Variants in ACACA observed in about 807,000 individuals in gnomAD.
The protein encoded by ACACA is acetyl-CoA carboxylase 1.
Under a neutral mutation model 296.1 loss-of-function variants are expected in ACACA, and 103 were observed. That is an observed-to-expected ratio of 0.35 (90% CI 0.30 to 0.41). The LOEUF (loss-of-function observed/expected upper bound fraction) is 0.41. ACACA is among the 10% of genes least tolerant of loss of function. ACACA has a pLI of 1.00. For synonymous variants in ACACA, 953 were observed against 1,038.6 expected (o/e 0.92, Z 1.58); for missense variants, 1,554 against 2,989.7 (o/e 0.52, Z 11.20).
intron 5 of ACACA, among the ~76,000 whole-genome samples, chr17:37,281,032 T>C (rs1391455395): frequency 6.6e-6 from 1 of 151,562 alleles, no homozygotes; most frequent in African/African-American, 2.4e-5. Context: ...TTAGACATAA[T>C]CTCTTTCAGA....
chr17:37,144,112 T>C (rs1476240197), intron 45 of ACACA: 1 of 761,504 alleles, frequency 1.3e-6, no homozygotes, highest in South Asian at 1.4e-5. Context: ...CTTTGCCATA[T>C]CTTCAAATTT....
chr17:37,112,817 T>C (rs2074050808), intron 51 of ACACA, among the ~76,000 whole-genome samples: 2 of 152,168 alleles, frequency 1.3e-5, no homozygotes, highest in East Asian at 1.9e-4. Context: ...GGATGCCAGA[T>C]TAGATCTGTT....
chr17:37,372,284 G>T (rs905522845), intron 1 of ACACA, among the ~76,000 whole-genome samples: 1 of 151,870 alleles, frequency 6.6e-6, no homozygotes, highest in Non-Finnish European at 1.5e-5. Flanking sequence ...GTGGTGGCGG[G>T]CACCTGTAGT....
At chr17:37,325,818 C>T (rs187749916) in intron 3 of ACACA, among the ~76,000 whole-genome samples, 59 of 151,924 alleles carry the variant, frequency 3.9e-4, no homozygotes, top group South Asian at 1.5e-3. Flanking sequence ...AGGTGATCCA[C>T]CCACCTTGGC....
At chr17:37,151,237 A>T (rs1274742030) in intron 44 of ACACA, 64 bp downstream of exon 44, 7 of 1,600,420 alleles carry the variant, frequency 4.4e-6, no homozygotes, top group Admixed American at 1.7e-5. Context: ...CAGTGATAAG[A>T]GAAAAAAATA....
chr17:37,375,885 T>C (rs1023389766), intron 1 of ACACA: 1 of 482,612 alleles, frequency 2.1e-6, no homozygotes, highest in African/African-American at 1.9e-5. Flanking sequence ...CTGAGTGAAT[T>C]ATTAATAAGC....
intron 8 of ACACA, chr17:37,274,742 T>C: frequency 6.8e-6 from 6 of 880,096 alleles, no homozygotes; most frequent in African/African-American, 3.6e-5. Flanking sequence ...CATGATTCCA[T>C]GCTCTCTGAA....
chr17:37,176,615 G>T (rs1352818578), intron 41 of ACACA, among the ~76,000 whole-genome samples: 1 of 152,108 alleles, frequency 6.6e-6, no homozygotes, highest in African/African-American at 2.4e-5. Context: ...ATAGCTGAAA[G>T]TCAACTTGCC....
intron 37 of ACACA, among the ~76,000 whole-genome samples, 189 bp downstream of exon 37, chr17:37,191,901 A>G (rs1207783664): frequency 6.6e-6 from 1 of 151,830 alleles, no homozygotes. Flanking sequence ...AAAAAAAAAA[A>G]GCCTTTATTA....
chr17:37,087,172 A>G lies in ACACA; in HGVS notation c.*144T>C, dbSNP rs763781086. 25 of 1,144,364 alleles carry G rather than the reference A, an allele frequency of 2.2e-5. No homozygotes were observed. Among genetic ancestry groups the G allele is most frequent in the Middle Eastern group, 2.8e-4 (1 of 3,574 alleles). The allele number at this position is 1,144,364 out of a possible 1,614,324, so 70.9% of individuals were successfully genotyped here. A position where few individuals can be genotyped will look rare whatever the true frequency, so the allele number is the denominator to read the frequency against. On this transcript the variant is annotated 3_prime_UTR_variant, in exon 56 of 56. Coordinates refer to ENST00000616317, the MANE Select transcript of ACACA (RefSeq NM_198834.3). The stretch of plus-strand genomic sequence containing the variant: ...GATCTTACATCCCAGGATGTCATGC[A>G]TAACCTGAAACGAGAGGAAGTAAAA...
chr17:37,221,472 T>A, intron 29 of ACACA: 1 of 451,480 alleles, frequency 2.2e-6, no homozygotes, highest in Admixed American at 3.9e-5. Flanking sequence ...AAAAAGAAAC[T>A]ATTTCCTCAG....
chr17:37,360,201 A>T (rs565678126), intron 1 of ACACA: 2 of 152,322 alleles, frequency 1.3e-5, no homozygotes, highest in South Asian at 4.1e-4. Flanking sequence ...TGAGAAGAAC[A>T]GGGTGAACTC....
In ACACA at chr17:37,330,441, A is replaced by C; in HGVS notation, c.86-16T>G. The C allele has an allele frequency of 1.2e-6, 2 of 1,614,086 alleles. No homozygotes were observed. Among genetic ancestry groups the C allele is most frequent in the Non-Finnish European group, 1.7e-6 (2 of 1,179,998 alleles). ...GCTCTTACAGCTATGGAGAAAATGA[A>C]AAGTGAGAAAGGCAGGTTATGAATA... On this transcript the variant is annotated splice_polypyrimidine_tract_variant and intron_variant, in intron 2 of 55. Coordinates refer to ENST00000616317, the MANE Select transcript of ACACA (RefSeq NM_198834.3).
rs1165828702 is a variant in ACACA at position 37,260,296 on chromosome 17, ATTTTTTTT to A, written c.1330-774_1330-767del. The stretch of plus-strand genomic sequence containing the variant: ...TATATATATATATATATATATATAT[ATTTTTTTT>A]TTTTTTTTTTTTGGAGATGGAGTCT... On this transcript the variant is annotated intron_variant, in intron 11 of 55. Coordinates refer to ENST00000616317, the MANE Select transcript of ACACA (RefSeq NM_198834.3). 8.0e-3 allele frequency among the ~76,000 whole-genome samples: 152 copies of A among 18,910 alleles called. 4 individuals carry two copies. Among genetic ancestry groups the A allele is most frequent in the African/African-American group, 0.028 (141 of 5,064 alleles). 12.4% of individuals were successfully genotyped at this position (18,910 alleles called of 152,430 possible).
In ACACA at chr17:37,386,507, G is replaced by A. The variant is rs140227023; in HGVS notation, c.38+19755C>T. ...CTTGAGAGGCTGAGAAAGAAGAATCGCTTGAACCCAAGAGGTGGAGGCTGC... is the reference window on the plus strand; with the variant it reads ...CTTGAGAGGCTGAGAAAGAAGAATCACTTGAACCCAAGAGGTGGAGGCTGC... On this transcript the variant is annotated intron_variant, in intron 1 of 55. Coordinates refer to ENST00000616317, the MANE Select transcript of ACACA (RefSeq NM_198834.3). Among the ~76,000 whole-genome samples, 7 of 152,166 alleles carry A rather than the reference G, an allele frequency of 4.6e-5. No homozygotes were observed. The East Asian group carries it at 1.4e-3, about 29-fold the overall frequency.
chr17:37,255,843 T>G (rs1287344050), intron 14 of ACACA, among the ~76,000 whole-genome samples: 1 of 152,130 alleles, frequency 6.6e-6, no homozygotes, highest in African/African-American at 2.4e-5. Flanking sequence ...GCCTCCTGGG[T>G]TCCAGTGATT....
At chr17:37,151,272 CA>C in intron 44 of ACACA, 28 bp downstream of exon 44, 1 of 1,613,402 alleles carries the variant, frequency 6.2e-7, no homozygotes, top group African/African-American at 1.3e-5. Flanking sequence ...GCCAGTTCTT[CA>C]AAAATTTCAC....
At position 37,097,929 on chromosome 17, in the gene ACACA, C is replaced by T. The variant is rs2073091017; in HGVS notation, c.6621G>A (p.Glu2207=). The change falls in exon 53 of 56, where the codon GAG becomes GAA. Residue 2207 remains glutamate (E), a synonymous_variant. Transcript: ENST00000616317. This position sits in a 1 kb window ranked among gnomAD's most constrained non-coding sequence, Gnocchi z 4.8. The part of the protein sequence containing the change: ...ERKELENKLK[E]REEFLIPIYH... ...AAATGGGAATTAGGAATTCCTCCCGCTCCTTCAACTTGTTCTCCAACTCCT... is the reference window on the plus strand; with the variant it reads ...AAATGGGAATTAGGAATTCCTCCCGTTCCTTCAACTTGTTCTCCAACTCCT... The T allele has an allele frequency of 6.2e-7, 1 of 1,614,196 alleles. No homozygotes were observed. Among genetic ancestry groups the T allele is most frequent in the Non-Finnish European group, 8.5e-7 (1 of 1,180,044 alleles).
intron 55 of ACACA, 142 bp downstream of exon 55, chr17:37,088,796 G>T: frequency 8.8e-7 from 1 of 1,130,106 alleles, no homozygotes; most frequent in East Asian, 2.3e-5. Flanking sequence ...CTGTACCTGT[G>T]GGTCAACTAC....
Sources: gnomAD v4.1 joint callset for allele counts (sites outside exome capture counted in the v4.1 genomes callset) on GRCh38, gnomAD v4.1.1 for gene constraint, Gnocchi (gnomAD v3.1) non-coding constraint, MANE v1.5 for transcripts, NCBI Gene and HGNC (gene_info 2026-07-23, HGNC 2026-07-21) for gene names.